The following PCM1 variants were observed in gnomAD, a reference collection of about 807,000 sequenced individuals.
The protein encoded by PCM1 is pericentriolar material 1 protein.
A neutral mutation model predicts 241.9 loss-of-function variants in PCM1; 157 were observed. The ratio of observed to expected loss-of-function variants is 0.65; its 90% CI spans 0.57 to 0.74. PCM1 has a LOEUF of 0.74. Ranked by LOEUF, PCM1 falls within the 30% of genes least tolerant of loss-of-function variation. The probability of loss-of-function intolerance (pLI) is 0.00; values close to 1 mark genes in which losing one functional copy is unlikely to be tolerated. For synonymous variants in PCM1, 1,085 were observed against 784.9 expected, an observed-to-expected ratio of 1.38 and a Z score of -6.39; for missense variants, 3,478 against 2,360.1, an observed-to-expected ratio of 1.47 and a Z score of -9.81.
chr8:18,011,497 CCTGA>C (rs1363711410), intron 33 of PCM1, 131 bp downstream of exon 33: 1 of 1,054,264 alleles, frequency 9.5e-7, no homozygotes, highest in African/African-American at 1.6e-5. Flanking sequence ...TCACTGTGAC[CCTGA>C]CTAAATTATC....
chr8:18,022,413 A>C (rs2093829040), intron 36 of PCM1, among the ~76,000 whole-genome samples: 1 of 152,254 alleles, frequency 6.6e-6, no homozygotes, highest in African/African-American at 2.4e-5. Flanking sequence ...CTCTCACTCA[A>C]CCAAAGCAAT....
intron 16 of PCM1, 183 bp from the exon 17 acceptor site, chr8:17,962,918 T>C: frequency 4.5e-6 from 2 of 442,104 alleles, no homozygotes; most frequent in Non-Finnish European, 7.9e-6. Flanking sequence ...AAAAAAAAAA[T>C]TGGCTGATTT....
chr8:17,943,180 ATTT>A (rs5889755), intron 6 of PCM1, among the ~76,000 whole-genome samples: 1 of 131,690 alleles, frequency 7.6e-6, no homozygotes, highest in Admixed American at 7.7e-5. Flanking sequence ...GGTTTGTTGT[ATTT>A]TTTTTTTTTT....
chr8:18,010,064 C>T (rs1438740718), intron 31 of PCM1, among the ~76,000 whole-genome samples: 1 of 152,200 alleles, frequency 6.6e-6, no homozygotes, highest in Admixed American at 6.5e-5. Context: ...GTGCCAGGTG[C>T]CTGCCATGTC....
chr8:18,027,066 G>C (rs142344711), intron 38 of PCM1, among the ~76,000 whole-genome samples: 1 of 152,138 alleles, frequency 6.6e-6, no homozygotes, highest in East Asian at 1.9e-4. Context: ...TCTTTTTGTT[G>C]TTCTCCATCA....
chr8:18,010,754 G>A lies in PCM1; in HGVS notation c.5220+86G>A, dbSNP rs764850664. The A allele has an allele frequency of 1.3e-5, 11 of 865,132 alleles. No homozygotes were observed. In the Admixed American group the frequency reaches 1.3e-4, roughly 11 times the overall value. 53.6% of individuals were successfully genotyped at this position (865,132 alleles called of 1,614,324 possible). ...TCGCAGCCCTTTGGGAGGCCAAGGC[G>A]GGTGGATCACGAGGTCAAGATTTCC... On this transcript the variant is annotated intron_variant, in intron 32 of 38. Coordinates refer to ENST00000325083, the MANE Select transcript of PCM1 (RefSeq NM_006197.4).
At chr8:17,997,794 G>A (rs1211133320) in intron 29 of PCM1, among the ~76,000 whole-genome samples, 1 of 151,670 alleles carries the variant, frequency 6.6e-6, no homozygotes, top group Admixed American at 6.6e-5. Context: ...GGGAGGCTGG[G>A]GCGGGTGATC....
At chr8:18,009,946 G>T (rs180871408) in intron 31 of PCM1, among the ~76,000 whole-genome samples, 1 of 152,274 alleles carries the variant, frequency 6.6e-6, no homozygotes, top group Admixed American at 6.5e-5. Flanking sequence ...TCAGGAATGC[G>T]GGCAGGAATT....
At chr8:17,939,648 G>A in intron 5 of PCM1, 43 bp from the exon 6 acceptor site, 3 of 1,192,882 alleles carry the variant, frequency 2.5e-6, no homozygotes, top group Non-Finnish European at 3.5e-6. Flanking sequence ...TTTATATATT[G>A]TGTACTTTCA....
At chr8:17,985,910 A>T in intron 25 of PCM1, 49 bp from the exon 26 acceptor site, 1 of 1,226,834 alleles carries the variant, frequency 8.2e-7, no homozygotes, top group East Asian at 2.6e-5. Flanking sequence ...TAAATGAATG[A>T]TTAAGCATGT....
chr8:17,961,834 TTG>T (rs1191411636), intron 15 of PCM1, among the ~76,000 whole-genome samples, 198 bp from the exon 16 acceptor site: 1 of 152,222 alleles, frequency 6.6e-6, no homozygotes, highest in East Asian at 1.9e-4. Context: ...TTCTGAGGGC[TTG>T]TGTTTGTTAA....
chr8:17,940,127 T>A (rs769584476), intron 6 of PCM1: 1 of 1,562,480 alleles, frequency 6.4e-7, no homozygotes, highest in East Asian at 2.3e-5. Context: ...TCGCTAAACA[T>A]AGATGTGCAG....
chr8:17,984,427 A>T (rs2081947320), intron 24 of PCM1, among the ~76,000 whole-genome samples: 1 of 151,942 alleles, frequency 6.6e-6, no homozygotes, highest in Non-Finnish European at 1.5e-5. Flanking sequence ...ACTTTAGTGT[A>T]TCACTTGATT....
intron 36 of PCM1, 143 bp from the exon 37 acceptor site, chr8:18,025,218 G>A: frequency 2.7e-6 from 1 of 368,872 alleles, no homozygotes; most frequent in Non-Finnish European, 5.0e-6. Flanking sequence ...CCTATGAACT[G>A]CATATTTCTA....
chr8:17,950,072 C>T (rs2065438732), intron 7 of PCM1, among the ~76,000 whole-genome samples: 2 of 152,180 alleles, frequency 1.3e-5, no homozygotes, highest in Non-Finnish European at 2.9e-5. Flanking sequence ...TTAGGGAACA[C>T]AGCCATGCCC....
intron 23 of PCM1, among the ~76,000 whole-genome samples, chr8:17,973,841 T>C (rs914303046): frequency 6.6e-6 from 1 of 152,176 alleles, no homozygotes; most frequent in Non-Finnish European, 1.5e-5. Flanking sequence ...ACAAGTATAG[T>C]AAATGCCCTG....
At chr8:17,951,629 ACTTAC>A (rs2066043341) in intron 8 of PCM1, among the ~76,000 whole-genome samples, 1 of 152,214 alleles carries the variant, frequency 6.6e-6, no homozygotes, top group Non-Finnish European at 1.5e-5. Flanking sequence ...GAAGGATCCC[ACTTAC>A]CTTATTTTAA....
At chr8:17,927,566 T>C (rs1002379433) in intron 2 of PCM1, 3 of 152,174 alleles carry the variant, frequency 2.0e-5, no homozygotes, top group African/African-American at 7.2e-5. Flanking sequence ...ATGTTCTTTT[T>C]TTTGGCGATG....
chr8:18,019,155 C>T (rs1050631616), intron 36 of PCM1, among the ~76,000 whole-genome samples: 2 of 151,912 alleles, frequency 1.3e-5, no homozygotes, highest in African/African-American at 4.8e-5. Context: ...ACTGTAGTGC[C>T]ACAGGGGTTC....
Sources: gnomAD v4.1 joint callset for allele counts (sites outside exome capture counted in the v4.1 genomes callset) on GRCh38, gnomAD v4.1.1 for gene constraint, MANE v1.5 for transcripts, NCBI Gene and HGNC (gene_info 2026-07-23, HGNC 2026-07-21) for gene names.